EYS: variants seen among roughly 807,000 people sequenced by gnomAD.
EYS encodes EGF-like photoreceptor maintenance factor.
Under a neutral mutation model 282.1 loss-of-function variants are expected in EYS, and 250 were observed. The observed-to-expected ratio is 0.89, with a 90% confidence interval of 0.80 to 0.98. The LOEUF is 0.98. EYS is among the 50% of genes least tolerant of loss of function. The pLI is 0.00. For synonymous variants in EYS, 1,355 were observed against 1,282.9 expected (o/e 1.06, Z -1.20); for missense variants, 4,016 against 3,709.0 (o/e 1.08, Z -2.15).
At chr6:65,322,142 A>C (rs1359288212) in intron 11 of EYS, among the ~76,000 whole-genome samples, 1 of 152,168 alleles carries the variant, frequency 6.6e-6, no homozygotes, top group Non-Finnish European at 1.5e-5. Flanking sequence ...ATTTACCCTG[A>C]AACTGGACTA....
chr6:65,265,343 A>C (rs1377615228), intron 12 of EYS, among the ~76,000 whole-genome samples: 2 of 151,948 alleles, frequency 1.3e-5, no homozygotes, highest in Non-Finnish European at 2.9e-5. Flanking sequence ...TTTGGTCTTG[A>C]ATTATTATTT....
At chr6:65,085,794 A>G (rs1774350279) in intron 12 of EYS, among the ~76,000 whole-genome samples, 1 of 152,026 alleles carries the variant, frequency 6.6e-6, no homozygotes, top group Admixed American at 6.6e-5. Flanking sequence ...TGTTTAGTCA[A>G]ATGGGACCAT....
chr6:63,739,071 C>A (rs1769005776), intron 41 of EYS, among the ~76,000 whole-genome samples: 1 of 152,124 alleles, frequency 6.6e-6, no homozygotes, highest in South Asian at 2.1e-4. Flanking sequence ...TGCCTCCCTC[C>A]TTCCTCCCCT....
chr6:65,568,148 C>T (rs1257037824), intron 2 of EYS, among the ~76,000 whole-genome samples: 1 of 152,038 alleles, frequency 6.6e-6, no homozygotes, highest in Non-Finnish European at 1.5e-5. Flanking sequence ...ATTTAAATCC[C>T]CAACTGAACT....
chr6:64,645,737 G>A (rs1467821), intron 22 of EYS, among the ~76,000 whole-genome samples: 144,931 of 152,268 alleles, frequency 0.95, 69,374 homozygotes, highest in East Asian at 1. Context: ...AATGCTGTCA[G>A]AAATAAGGCT....
At chr6:64,026,676 G>T (rs769302916) in intron 33 of EYS, among the ~76,000 whole-genome samples, 2 of 152,112 alleles carry the variant, frequency 1.3e-5, no homozygotes, top group African/African-American at 2.4e-5. Context: ...GGACCTCTCA[G>T]CTTACCCCCA....
intron 22 of EYS, among the ~76,000 whole-genome samples, chr6:64,675,419 T>C (rs1398552924): frequency 4.8e-5 from 4 of 82,492 alleles, no homozygotes; most frequent in Non-Finnish European, 7.3e-5. Context: ...CCTGTTTCTC[T>C]TTTTTTTTCT....
At chr6:65,257,624 A>G (rs992628565) in intron 12 of EYS, among the ~76,000 whole-genome samples, 1 of 151,044 alleles carries the variant, frequency 6.6e-6, no homozygotes, top group African/African-American at 2.4e-5. Context: ...TGTTCCATTG[A>G]TCTATATCTC....
chr6:65,636,850 C>T (rs1348418551), intron 2 of EYS, among the ~76,000 whole-genome samples: 1 of 151,956 alleles, frequency 6.6e-6, no homozygotes, highest in Non-Finnish European at 1.5e-5. Context: ...ATTCTGTCAC[C>T]CAGGCTGCAG....
At chr6:64,003,983 C>G (rs1768218520) in intron 33 of EYS, among the ~76,000 whole-genome samples, 2 of 152,212 alleles carry the variant, frequency 1.3e-5, no homozygotes, top group South Asian at 4.1e-4. Flanking sequence ...AATTAAACCT[C>G]TTTCCTCTAT....
intron 22 of EYS, among the ~76,000 whole-genome samples, chr6:64,773,417 T>G (rs1773584983): frequency 6.6e-6 from 1 of 151,882 alleles, no homozygotes; most frequent in Non-Finnish European, 1.5e-5. Context: ...TTTGCCACCG[T>G]GAATATTGCT....
intron 22 of EYS, among the ~76,000 whole-genome samples, chr6:64,697,090 C>T (rs534200178): frequency 6.6e-6 from 1 of 152,088 alleles, no homozygotes; most frequent in South Asian, 2.1e-4. Flanking sequence ...GGATTTAATG[C>T]TCCACTTAAA....
At chr6:64,548,741 A>G (rs921313573) in intron 26 of EYS, among the ~76,000 whole-genome samples, 9 of 152,178 alleles carry the variant, frequency 5.9e-5, no homozygotes, top group African/African-American at 1.9e-4. Context: ...TGACGAGTTA[A>G]TGGGTGCAGC....
intron 5 of EYS, among the ~76,000 whole-genome samples, chr6:65,414,121 G>A (rs896915268): frequency 6.6e-6 from 1 of 152,070 alleles, no homozygotes; most frequent in African/African-American, 2.4e-5. Flanking sequence ...TAAATAAAGA[G>A]CATATCAACA....
At chr6:63,890,266 A>C (rs1773373860) in intron 35 of EYS, among the ~76,000 whole-genome samples, 1 of 152,098 alleles carries the variant, frequency 6.6e-6, no homozygotes, top group Non-Finnish European at 1.5e-5. Flanking sequence ...TATCTACAGA[A>C]CTCTCCACCC....
intron 19 of EYS, among the ~76,000 whole-genome samples, chr6:64,838,371 A>T (rs987218470): frequency 6.6e-6 from 1 of 151,874 alleles, no homozygotes; most frequent in Non-Finnish European, 1.5e-5. Flanking sequence ...TTGTGTCTGA[A>T]GATCCAGGAC....
At chr6:63,971,700 T>G (rs1766584217) in intron 35 of EYS, among the ~76,000 whole-genome samples, 1 of 152,148 alleles carries the variant, frequency 6.6e-6, no homozygotes, top group African/African-American at 2.4e-5. Context: ...GGAAACAAAT[T>G]AGTCAGGTGG....
intron 12 of EYS, among the ~76,000 whole-genome samples, chr6:65,220,462 A>G (rs1043269354): frequency 6.6e-6 from 1 of 152,106 alleles, no homozygotes; most frequent in East Asian, 1.9e-4. Context: ...AATTCCTTGC[A>G]CATGCTCTCC....
chr6:64,087,989 C>G (rs970488243), intron 31 of EYS, among the ~76,000 whole-genome samples: 2 of 152,098 alleles, frequency 1.3e-5, no homozygotes, highest in African/African-American at 4.8e-5. Context: ...TGCCTACTTT[C>G]TGGCTCACAC....
Sources: gnomAD v4.1 joint callset for allele counts (sites outside exome capture counted in the v4.1 genomes callset) on GRCh38, gnomAD v4.1.1 for gene constraint, MANE v1.5 for transcripts, NCBI Gene and HGNC (gene_info 2026-07-23, HGNC 2026-07-21) for gene names.